The following CTXND2 variants were observed in gnomAD, a reference collection of about 807,000 sequenced individuals.
CTXND2 encodes cortexin domain containing 2.
At chr1:150,888,480 AGT>A (rs1668805348) in intron 1 of CTXND2, among the ~76,000 whole-genome samples, 1 of 151,606 alleles carries the variant, frequency 6.6e-6, no homozygotes, top group South Asian at 2.1e-4. Flanking sequence ...GGCCTCCCAA[AGT>A]GTTGGGATTA....
At chr1:150,902,375 C>G (rs1669054367) in intron 1 of CTXND2, among the ~76,000 whole-genome samples, 1 of 150,660 alleles carries the variant, frequency 6.6e-6, no homozygotes, top group Non-Finnish European at 1.5e-5. Context: ...CCACTGCACT[C>G]AAGCCTGGGC....
At chr1:150,895,096 G>T (rs1668900190) in intron 1 of CTXND2, among the ~76,000 whole-genome samples, 1 of 151,128 alleles carries the variant, frequency 6.6e-6, no homozygotes, top group African/African-American at 2.4e-5. Context: ...GTTCTATTTT[G>T]TCTGATATTA....
At chr1:150,910,874 G>A (rs771894970) in intron 1 of CTXND2, among the ~76,000 whole-genome samples, 38 of 151,778 alleles carry the variant, frequency 2.5e-4, no homozygotes, top group Non-Finnish European at 5.3e-4. Flanking sequence ...GCGTGATCTC[G>A]GCTCACCGCA....
At chr1:150,900,739 AAT>A (rs1669003413) in intron 1 of CTXND2, among the ~76,000 whole-genome samples, 2 of 152,240 alleles carry the variant, frequency 1.3e-5, no homozygotes, top group Non-Finnish European at 2.9e-5. Context: ...GTGTATAAAC[AAT>A]ATTTAAAAAT....
At chr1:150,898,477 G>C (rs1668939784) in intron 1 of CTXND2, among the ~76,000 whole-genome samples, 1 of 152,042 alleles carries the variant, frequency 6.6e-6, no homozygotes, top group Non-Finnish European at 1.5e-5. Flanking sequence ...CCCCTTACTG[G>C]CCGGGCGTGG....
intron 1 of CTXND2, among the ~76,000 whole-genome samples, chr1:150,893,497 C>T (rs1668877839): frequency 6.6e-6 from 1 of 152,118 alleles, no homozygotes; most frequent in Non-Finnish European, 1.5e-5. Context: ...GTCACTCTGT[C>T]ACCCAGGCTG....
At chr1:150,905,205 G>T (rs7535848) in intron 1 of CTXND2, among the ~76,000 whole-genome samples, 10,898 of 148,866 alleles carry the variant, frequency 0.073, 548 homozygotes, top group East Asian at 0.18. Flanking sequence ...GTGCAAGGGT[G>T]TAATTTTGGC....
At chr1:150,890,243 C>A (rs1668829732) in intron 1 of CTXND2, among the ~76,000 whole-genome samples, 1 of 150,034 alleles carries the variant, frequency 6.7e-6, no homozygotes, top group Non-Finnish European at 1.5e-5. Context: ...TTTTAAATTA[C>A]TGAAACTCTT....
intron 1 of CTXND2, among the ~76,000 whole-genome samples, chr1:150,910,873 C>T (rs1479286745): frequency 6.6e-6 from 1 of 151,874 alleles, no homozygotes; most frequent in African/African-American, 2.4e-5. Context: ...GGCGTGATCT[C>T]GGCTCACCGC....
intron 1 of CTXND2, among the ~76,000 whole-genome samples, chr1:150,902,068 T>C (rs1004474189): frequency 1.3e-5 from 2 of 151,954 alleles, no homozygotes; most frequent in Non-Finnish European, 2.9e-5. Flanking sequence ...GAGTTCAAGA[T>C]TAGCCTGGCC....
intron 1 of CTXND2, among the ~76,000 whole-genome samples, chr1:150,909,285 C>G (rs587750201): frequency 6.7e-6 from 1 of 149,470 alleles, no homozygotes; most frequent in African/African-American, 2.5e-5. Flanking sequence ...GGCACAGTAG[C>G]TCATACAATC....
At chr1:150,911,756 G>C (rs1042954157) in intron 1 of CTXND2, among the ~76,000 whole-genome samples, 1 of 152,084 alleles carries the variant, frequency 6.6e-6, no homozygotes, top group African/African-American at 2.4e-5. Flanking sequence ...AATTGAAATT[G>C]ATCACTTCTG....
chr1:150,895,622 C>G (rs980504432), intron 1 of CTXND2, among the ~76,000 whole-genome samples: 10 of 152,192 alleles, frequency 6.6e-5, no homozygotes, highest in African/African-American at 2.4e-4. Context: ...GGGATGATTA[C>G]AGGCGTGAGC....
chr1:150,897,882 T>G (rs912400395), intron 1 of CTXND2, among the ~76,000 whole-genome samples: 3 of 152,222 alleles, frequency 2.0e-5, no homozygotes, highest in African/African-American at 4.8e-5. Flanking sequence ...CTTGCAATTC[T>G]CTGGCAAGGT....
intron 1 of CTXND2, among the ~76,000 whole-genome samples, chr1:150,893,869 T>C (rs1158149775): frequency 1.3e-5 from 2 of 152,168 alleles, no homozygotes; most frequent in African/African-American, 4.8e-5. Context: ...CAAGGTCTGA[T>C]TGCAAAAATT....
intron 1 of CTXND2, among the ~76,000 whole-genome samples, chr1:150,894,004 G>A (rs1668884798): frequency 6.6e-6 from 1 of 150,770 alleles, no homozygotes; most frequent in African/African-American, 2.4e-5. Flanking sequence ...AACCAGAGAT[G>A]GGGGCGTCTC....
intron 1 of CTXND2, among the ~76,000 whole-genome samples, chr1:150,902,151 C>T (rs1669049185): frequency 6.6e-6 from 1 of 151,992 alleles, no homozygotes; most frequent in African/African-American, 2.4e-5. Flanking sequence ...CCTGTAATCC[C>T]AGCACTTTGG....
chr1:150,902,331 C>T (rs587672604), intron 1 of CTXND2, among the ~76,000 whole-genome samples: 2 of 151,288 alleles, frequency 1.3e-5, no homozygotes, highest in Non-Finnish European at 3.0e-5. Context: ...GGCATGAACC[C>T]GGGAGGCGGA....
At chr1:150,908,379 C>T (rs1429276724) in intron 1 of CTXND2, among the ~76,000 whole-genome samples, 1 of 152,144 alleles carries the variant, frequency 6.6e-6, no homozygotes, top group Non-Finnish European at 1.5e-5. Context: ...TTTACATTCC[C>T]ACCAACCGTC....
Sources: gnomAD v4.1 joint callset for allele counts (sites outside exome capture counted in the v4.1 genomes callset) on GRCh38, gnomAD v4.1.1 for gene constraint, MANE v1.5 for transcripts, NCBI Gene and HGNC (gene_info 2026-07-23, HGNC 2026-07-21) for gene names.